The following RERE variants were observed in gnomAD, a reference collection of about 807,000 sequenced individuals.
RERE encodes arginine-glutamic acid dipeptide repeats protein.
A neutral mutation model predicts 146.1 loss-of-function variants in RERE; 40 were observed. That is an observed-to-expected ratio of 0.27 (90% CI 0.21 to 0.36). The LOEUF is 0.36. Among genes scored for constraint, RERE ranks in the 10% least tolerant of loss-of-function variants. The pLI, the probability that RERE is intolerant of heterozygous loss-of-function variation, is 1.00. For synonymous variants in RERE, 1,003 were observed against 866.0 expected, an observed-to-expected ratio of 1.16 and a Z score of -2.78; for missense variants, 1,933 against 2,138.7, an observed-to-expected ratio of 0.90 and a Z score of 1.90.
intron 2 of RERE, among the ~76,000 whole-genome samples, chr1:8,640,721 A>G (rs1015650146): frequency 6.6e-6 from 1 of 152,240 alleles, no homozygotes; most frequent in African/African-American, 2.4e-5. Flanking sequence ...TGGACTTGGT[A>G]AAGTGACTAG....
At chr1:8,421,794 C>A (rs1235772916) in intron 12 of RERE, among the ~76,000 whole-genome samples, 1 of 152,182 alleles carries the variant, frequency 6.6e-6, no homozygotes, top group Non-Finnish European at 1.5e-5. Flanking sequence ...CACCTCCACT[C>A]CCTAAAAAAG....
intron 1 of RERE, among the ~76,000 whole-genome samples, chr1:8,659,367 G>T (rs1638404099): frequency 6.6e-6 from 1 of 152,344 alleles, no homozygotes; most frequent in South Asian, 2.1e-4. Flanking sequence ...AGCCATCCTG[G>T]CCAAGATGGC....
chr1:8,498,283 G>A (rs1645073121), intron 8 of RERE, among the ~76,000 whole-genome samples: 1 of 152,142 alleles, frequency 6.6e-6, no homozygotes, highest in Non-Finnish European at 1.5e-5. Flanking sequence ...GCTTAAACCC[G>A]GGAGGCAGAG....
At chr1:8,507,901 G>A (rs1350012805) in intron 8 of RERE, among the ~76,000 whole-genome samples, 5 of 151,670 alleles carry the variant, frequency 3.3e-5, no homozygotes, top group African/African-American at 7.3e-5. Flanking sequence ...CACCACGCCC[G>A]GCTAATTTTT....
At chr1:8,766,750 C>A (rs1640857515) in intron 1 of RERE, among the ~76,000 whole-genome samples, 1 of 151,958 alleles carries the variant, frequency 6.6e-6, no homozygotes, top group African/African-American at 2.4e-5. Context: ...CAGGAAAACA[C>A]AGAAAGACAT....
intron 1 of RERE, among the ~76,000 whole-genome samples, chr1:8,686,868 C>T (rs902189499): frequency 1.3e-5 from 2 of 152,118 alleles, no homozygotes; most frequent in Non-Finnish European, 2.9e-5. Context: ...CACTGAGACT[C>T]GAAAGCGGGA....
At chr1:8,732,950 T>C (rs1402359846) in intron 1 of RERE, among the ~76,000 whole-genome samples, 2 of 150,040 alleles carry the variant, frequency 1.3e-5, no homozygotes, top group Admixed American at 1.3e-4. Context: ...GCCTCCCGAG[T>C]AGCTGGGACT....
intron 2 of RERE, among the ~76,000 whole-genome samples, chr1:8,627,281 T>C (rs760248509): frequency 5.3e-5 from 8 of 152,144 alleles, no homozygotes; most frequent in Non-Finnish European, 2.9e-5. Context: ...CAGAGAAATG[T>C]ACTCAATTCT....
chr1:8,780,704 G>C (rs1245012622), intron 1 of RERE, among the ~76,000 whole-genome samples: 1 of 152,162 alleles, frequency 6.6e-6, no homozygotes, highest in Non-Finnish European at 1.5e-5. Flanking sequence ...CTCTCTGCTG[G>C]AGGAAAAGAA....
At chr1:8,463,060 A>C (rs1172905848) in intron 11 of RERE, among the ~76,000 whole-genome samples, 1 of 152,190 alleles carries the variant, frequency 6.6e-6, no homozygotes, top group African/African-American at 2.4e-5. Flanking sequence ...GGCCACATGA[A>C]CACAGCAGGT....
intron 1 of RERE, among the ~76,000 whole-genome samples, chr1:8,811,048 T>TC (rs1641797388): frequency 6.6e-6 from 1 of 152,174 alleles, no homozygotes; most frequent in Non-Finnish European, 1.5e-5. Flanking sequence ...AATAAGGTGT[T>TC]AGAATAAGCT....
intron 12 of RERE, among the ~76,000 whole-genome samples, chr1:8,399,006 C>G (rs10449319): frequency 8.5e-5 from 13 of 152,180 alleles, no homozygotes; most frequent in African/African-American, 3.1e-4. Flanking sequence ...AGTGAGGCTG[C>G]AAAACTTTGC....
intron 4 of RERE, among the ~76,000 whole-genome samples, chr1:8,608,211 C>A (rs79827451): frequency 0.011 from 1,688 of 152,156 alleles, 31 homozygotes; most frequent in African/African-American, 0.039. Context: ...TTTCAATCAA[C>A]TAGTACGGAA....
At chr1:8,503,110 A>ATAAC in intron 8 of RERE, among the ~76,000 whole-genome samples, 1 of 151,442 alleles carries the variant, frequency 6.6e-6, no homozygotes, top group East Asian at 1.9e-4. Context: ...AAATAAATAA[A>ATAAC]TAAATAAATA....
chr1:8,462,178 ACACT>A (rs1383370485), intron 11 of RERE, among the ~76,000 whole-genome samples: 1 of 152,214 alleles, frequency 6.6e-6, no homozygotes, highest in Non-Finnish European at 1.5e-5. Context: ...TGGATTGAAG[ACACT>A]CAATTATAGT....
intron 1 of RERE, among the ~76,000 whole-genome samples, chr1:8,750,090 A>T (rs1360944304): frequency 1.4e-5 from 2 of 146,950 alleles, no homozygotes; most frequent in East Asian, 4.1e-4. Context: ...GGCCGAGGTT[A>T]CAGTGAGCCA....
intron 1 of RERE, among the ~76,000 whole-genome samples, chr1:8,684,127 C>T (rs1378727789): frequency 6.6e-6 from 1 of 152,122 alleles, no homozygotes; most frequent in African/African-American, 2.4e-5. Context: ...TGCATTAAAA[C>T]ACACCAAAAG....
intron 2 of RERE, among the ~76,000 whole-genome samples, chr1:8,625,427 A>C (rs1646963208): frequency 6.6e-6 from 1 of 152,240 alleles, no homozygotes. Flanking sequence ...TGAAAAGTAA[A>C]GGCACAGTCA....
At chr1:8,541,412 G>C in intron 6 of RERE, 94 bp from the exon 7 acceptor site, 1 of 692,904 alleles carries the variant, frequency 1.4e-6, no homozygotes, top group East Asian at 2.5e-5. Flanking sequence ...ACTGAACTAA[G>C]TCCATGTGCA....
Sources: allele counts gnomAD v4.1 joint callset (sites outside exome capture counted in the v4.1 genomes callset), GRCh38; gene constraint gnomAD v4.1.1; transcripts MANE v1.5; gene names NCBI Gene and HGNC (gene_info 2026-07-23, HGNC 2026-07-21).